LARS2: variants seen among roughly 807,000 people sequenced by gnomAD.
The protein encoded by LARS2 is leucine--tRNA ligase, mitochondrial.
Under a neutral mutation model 116.6 loss-of-function variants are expected in LARS2, and 81 were observed. The observed-to-expected ratio is 0.69, with a 90% CI of 0.58 to 0.84. The LOEUF is 0.84. Ranked by LOEUF, LARS2 falls within the 40% of genes least tolerant of loss-of-function variation. The pLI is 0.00. For missense variants in LARS2, 968 were observed against 1,114.5 expected (o/e 0.87, Z 1.87); for synonymous variants, 396 against 407.2 (o/e 0.97, Z 0.33).
At chr3:45,515,876 G>A (rs781362030) in intron 16 of LARS2, among the ~76,000 whole-genome samples, 37 of 152,210 alleles carry the variant, frequency 2.4e-4, no homozygotes, top group Middle Eastern at 3.4e-3. Context: ...CTGTTTATTC[G>A]CGAAGGTTTG....
At chr3:45,497,121 A>G (rs1700026378) in intron 14 of LARS2, among the ~76,000 whole-genome samples, 1 of 152,168 alleles carries the variant, frequency 6.6e-6, no homozygotes. Flanking sequence ...AAGAGTATAA[A>G]CATGTTTTTT....
rs1700009527 is a variant in LARS2 at position 45,496,285 on chromosome 3, G to A, written c.1534G>A (p.Ala512Thr). 1 of 1,613,174 alleles carries A rather than the reference G, an allele frequency of 6.2e-7. No individual in the cohort carries two copies. The highest frequency in any genetic ancestry group is 1.3e-5 in the African/African-American group (1 of 75,036). The change falls in exon 14 of 22, where the codon GCA becomes ACA. Residue 512 changes from alanine to threonine, a missense_variant. Physicochemically the swap from Ala to Thr is moderately conservative, Grantham distance 58. Transcript: ENST00000645846. ...TCATTTCTTTCTTAGGTGCAAGGGA[G>A]CAGCCAAGAGAGAGACAGACACGAT... ...VNCSCPRCKG[A>T]AKRETDTMDT...
chr3:45,427,912 C>T (rs1267274316), intron 6 of LARS2, among the ~76,000 whole-genome samples: 1 of 151,366 alleles, frequency 6.6e-6, no homozygotes, highest in Non-Finnish European at 1.5e-5. Context: ...ACCTCTGCCT[C>T]CCTCATTGAA....
At chr3:45,508,879 CCT>C (rs763718988) in intron 15 of LARS2, among the ~76,000 whole-genome samples, 10 of 151,768 alleles carry the variant, frequency 6.6e-5, no homozygotes, top group Non-Finnish European at 1.2e-4. Context: ...CCTTTCCTCC[CCT>C]CTTTCCCTGC....
chr3:45,398,755 AG>A (rs1328872413), intron 3 of LARS2, among the ~76,000 whole-genome samples: 1 of 152,214 alleles, frequency 6.6e-6, no homozygotes, highest in African/African-American at 2.4e-5. Flanking sequence ...TGGAGCACAA[AG>A]GCCAACGAAC....
rs1006652053 is a variant in LARS2 at position 45,516,392 on chromosome 3, G to C, written c.2044+116G>C. 2.4e-5 allele frequency: 24 copies of C among 995,842 alleles called. No homozygotes were observed. The African/African-American group carries it at 3.9e-4, about 16-fold the overall frequency. 61.7% of individuals were successfully genotyped at this position (995,842 alleles called of 1,614,324 possible). A position where few individuals can be genotyped will look rare whatever the true frequency, so the allele number is the denominator to read the frequency against. On this transcript the variant is annotated intron_variant, in intron 17 of 21. Transcript: ENST00000645846. The stretch of plus-strand genomic sequence containing the variant: ...CAGTGGTAGAGAATTCTAGGAATCA[G>C]TTCCATAGAGCAAGTAGCAGCTTGA...
At position 45,520,444 on chromosome 3, in the gene LARS2, A is replaced by G. The variant is rs1265766050; in HGVS notation, c.2292+148A>G. On this transcript the variant is annotated intron_variant, in intron 19 of 21. Transcript: ENST00000645846. ...GATTATCTTAAGGAAACATTTTTCC[A>G]TAGTCACAACCTAGTTTTATGCTGG... 6 of 600,910 alleles carry G rather than the reference A, an allele frequency of 1.0e-5. No individual in the cohort carries two copies. The African/African-American group carries it at 1.1e-4, about 11-fold the overall frequency. The allele number at this position is 600,910 out of a possible 1,614,324, so 37.2% of individuals were successfully genotyped here.
At chr3:45,540,973 G>A (rs759834062) in intron 20 of LARS2, among the ~76,000 whole-genome samples, 1 of 151,938 alleles carries the variant, frequency 6.6e-6, no homozygotes, top group Non-Finnish European at 1.5e-5. Flanking sequence ...TAAGAGATGG[G>A]GTCTCGCTGT....
intron 21 of LARS2, among the ~76,000 whole-genome samples, chr3:45,544,128 C>T (rs1700839695): frequency 6.6e-6 from 1 of 152,206 alleles, no homozygotes; most frequent in African/African-American, 2.4e-5. Context: ...TGGCCAGAAA[C>T]AGGCTGCAAG....
chr3:45,521,888 G>A (rs1005835335), intron 19 of LARS2, among the ~76,000 whole-genome samples: 2 of 151,792 alleles, frequency 1.3e-5, no homozygotes, highest in Non-Finnish European at 2.9e-5. Context: ...CAGCAGGATC[G>A]ATTGAGCTCA....
At chr3:45,546,938 G>C (rs1700884412) in intron 21 of LARS2, among the ~76,000 whole-genome samples, 1 of 152,194 alleles carries the variant, frequency 6.6e-6, no homozygotes, top group South Asian at 2.1e-4. Context: ...TGAGGGGACA[G>C]CTCACTCTAA....
intron 4 of LARS2, among the ~76,000 whole-genome samples, chr3:45,413,359 G>A (rs199590373): frequency 6.6e-6 from 1 of 152,220 alleles, no homozygotes; most frequent in African/African-American, 2.4e-5. Context: ...CAGCTGCAGC[G>A]GCCACAGCAG....
intron 12 of LARS2, 122 bp from the exon 13 acceptor site, chr3:45,491,395 G>A: frequency 9.8e-7 from 1 of 1,022,164 alleles, no homozygotes; most frequent in East Asian, 2.4e-5. Context: ...TTATGACACA[G>A]CTCTGCACAG....
intron 6 of LARS2, among the ~76,000 whole-genome samples, chr3:45,438,056 AT>A (rs1698835462): frequency 6.6e-6 from 1 of 152,168 alleles, no homozygotes; most frequent in Non-Finnish European, 1.5e-5. Flanking sequence ...TCAAGCCCAC[AT>A]TTGGTAATAA....
chr3:45,510,094 G>A (rs1165848963), intron 15 of LARS2, among the ~76,000 whole-genome samples: 1 of 151,950 alleles, frequency 6.6e-6, no homozygotes, highest in Non-Finnish European at 1.5e-5. Context: ...CATCTGTTAG[G>A]AACTGGAGAC....
Position 45,491,531 on chromosome 3 carries a change from C to A in LARS2, c.1254C>A (p.Thr418=). ...TTCCCTGTCAGTTCACAGGTATGAC[C>A]CGGCAGGATGCTTTTCTAGCCCTGA... ...LSSSAEFTGM[T]RQDAFLALTQ... The change falls in exon 13 of 22, where the codon ACC becomes ACA. Residue 418 remains threonine (T), a synonymous_variant. Transcript: ENST00000645846. 1.9e-6 allele frequency: 3 copies of A among 1,614,072 alleles called. No individual in the cohort carries two copies. The South Asian group carries it at 3.3e-5, about 18-fold the overall frequency.
At chr3:45,474,547 C>T (rs185369234) in intron 9 of LARS2, among the ~76,000 whole-genome samples, 197 bp downstream of exon 9, 13 of 152,226 alleles carry the variant, frequency 8.5e-5, no homozygotes, top group Admixed American at 8.5e-4. Context: ...TTTTATTTAA[C>T]CCATTACAAC....
At chr3:45,399,229 A>G (rs17637703) in intron 3 of LARS2, among the ~76,000 whole-genome samples, 27,302 of 152,102 alleles carry the variant, frequency 0.18, 2,890 homozygotes, top group Middle Eastern at 0.31. Context: ...TCTCAATACA[A>G]TGGGGAAACT....
At chr3:45,430,668 T>C (rs1455970217) in intron 6 of LARS2, among the ~76,000 whole-genome samples, 4 of 145,392 alleles carry the variant, frequency 2.8e-5, no homozygotes, top group Non-Finnish European at 6.0e-5. Context: ...CACTGCGAGC[T>C]TCGCCTCCCG....
Sources: allele counts gnomAD v4.1 joint callset (sites outside exome capture counted in the v4.1 genomes callset), GRCh38; gene constraint gnomAD v4.1.1; transcripts MANE v1.5; gene names NCBI Gene and HGNC (gene_info 2026-07-23, HGNC 2026-07-21).